Variants in BRD4 observed in about 807,000 individuals in gnomAD.
BRD4 encodes bromodomain containing 4.
Under a neutral mutation model 142.1 loss-of-function variants are expected in BRD4, and 16 were observed. The observed-to-expected ratio is 0.11, with a 90% CI of 0.08 to 0.17. The LOEUF (loss-of-function observed/expected upper bound fraction) is 0.17, where lower values mean the gene tolerates loss of function less well. Ranked by LOEUF, BRD4 falls within the 10% of genes least tolerant of loss-of-function variation. The probability of loss-of-function intolerance (pLI) is 1.00; values close to 1 mark genes in which losing one functional copy is unlikely to be tolerated. For missense variants in BRD4, 1,424 were observed against 1,810.9 expected (o/e 0.79, Z 3.88); for synonymous variants, 833 against 707.5 (o/e 1.18, Z -2.82).
chr19:15,261,272 G>A (rs796838320), intron 7 of BRD4, among the ~76,000 whole-genome samples: 5 of 152,102 alleles, frequency 3.3e-5, no homozygotes, highest in African/African-American at 1.2e-4. Context: ...AGATCATGAG[G>A]TCAGAAGTTC....
intron 1 of BRD4, among the ~76,000 whole-genome samples, chr19:15,299,177 G>T (rs988563439): frequency 1.3e-5 from 2 of 152,164 alleles, no homozygotes; most frequent in African/African-American, 2.4e-5. Flanking sequence ...GTCTATTCCT[G>T]ATCCACGTGT....
chr19:15,316,211 G>C (rs984076583), intron 1 of BRD4, among the ~76,000 whole-genome samples: 1 of 142,660 alleles, frequency 7.0e-6, no homozygotes, highest in Non-Finnish European at 1.5e-5. Flanking sequence ...TCCTGAAAGA[G>C]TATCCAGTTC....
At chr19:15,287,777 C>CTTTT (rs57365607) in intron 1 of BRD4, among the ~76,000 whole-genome samples, 1 of 145,826 alleles carries the variant, frequency 6.9e-6, no homozygotes, top group Middle Eastern at 3.2e-3. Flanking sequence ...CTCTGAATTT[C>CTTTT]TTTTTTTTTT....
At chr19:15,264,355 A>G in intron 6 of BRD4, 49 bp downstream of exon 6, 1 of 1,548,300 alleles carries the variant, frequency 6.5e-7, no homozygotes, top group Admixed American at 1.8e-5. Context: ...TCTGATGTGG[A>G]GGGACAGCCT....
At chr19:15,304,453 T>A (rs1200671691) in intron 1 of BRD4, among the ~76,000 whole-genome samples, 1 of 152,148 alleles carries the variant, frequency 6.6e-6, no homozygotes, top group Non-Finnish European at 1.5e-5. Flanking sequence ...AATAAATGCA[T>A]CAGATATCAC....
chr19:15,306,816 A>G (rs1478122716), intron 1 of BRD4, among the ~76,000 whole-genome samples: 8 of 152,272 alleles, frequency 5.3e-5, no homozygotes, highest in Middle Eastern at 3.4e-3. Context: ...CAAAACTATG[A>G]TAATGACACC....
intron 1 of BRD4, among the ~76,000 whole-genome samples, chr19:15,285,833 A>G (rs2047735838): frequency 6.6e-6 from 1 of 152,194 alleles, no homozygotes; most frequent in African/African-American, 2.4e-5. Context: ...TTAAATGGCC[A>G]GGGGTGGGTG....
At chr19:15,282,230 CAA>C (rs148256268) in intron 1 of BRD4, among the ~76,000 whole-genome samples, 2,214 of 152,154 alleles carry the variant, frequency 0.015, 42 homozygotes, top group African/African-American at 0.051. Flanking sequence ...CACTGTGTGC[CAA>C]AAAAACTGAC....
intron 1 of BRD4, among the ~76,000 whole-genome samples, chr19:15,294,227 A>C (rs916246860): frequency 1.3e-5 from 2 of 152,266 alleles, no homozygotes; most frequent in Admixed American, 1.3e-4. Context: ...GCCAAGGCGA[A>C]ATGTTCTTGT....
At chr19:15,274,419 A>C (rs1452865271) in intron 1 of BRD4, among the ~76,000 whole-genome samples, 3 of 152,210 alleles carry the variant, frequency 2.0e-5, no homozygotes, top group African/African-American at 7.2e-5. Flanking sequence ...CTGGATCCCA[A>C]GATGGAGGGT....
intron 1 of BRD4, among the ~76,000 whole-genome samples, chr19:15,311,377 A>T (rs1428271187): frequency 3.9e-5 from 6 of 152,198 alleles, no homozygotes; most frequent in Admixed American, 3.9e-4. Flanking sequence ...AACAGCCAAG[A>T]GGTGGAAGCA....
At position 15,239,622 on chromosome 19, in the gene BRD4, G is replaced by A. The variant is rs1302705362; in HGVS notation, c.3445+37C>T. 2.6e-6 allele frequency: 4 copies of A among 1,558,304 alleles called. No homozygotes were observed. The Admixed American group carries it at 7.9e-5, about 31-fold the overall frequency. On this transcript the variant is annotated intron_variant, in intron 16 of 19. Transcript: ENST00000679869. This position sits in a 1 kb window ranked among gnomAD's most constrained non-coding sequence, Gnocchi z 7.4. The stretch of plus-strand genomic sequence containing the variant: ...CTTATGTCCAACACGGGCCTCGGGG[G>A]GCCTGAGCCCTGGCTGTGGGCAGGG...
chr19:15,315,879 G>A (rs1475970942), intron 1 of BRD4, among the ~76,000 whole-genome samples: 2 of 151,572 alleles, frequency 1.3e-5, no homozygotes, highest in Non-Finnish European at 2.9e-5. Flanking sequence ...GAAGCGGCCG[G>A]GCGCCATGGC....
intron 1 of BRD4, among the ~76,000 whole-genome samples, chr19:15,309,473 G>A (rs1268172104): frequency 6.6e-6 from 1 of 152,106 alleles, no homozygotes; most frequent in Non-Finnish European, 1.5e-5. Flanking sequence ...GTCCAGCAAT[G>A]TAAAATGGGG....
Position 15,264,731 on chromosome 19 carries a change from G to A in BRD4, c.885C>T (p.Thr295=). The change falls in exon 6 of 20, where the codon ACC becomes ACT. Residue 295 remains threonine (T), a synonymous_variant. Transcript: ENST00000679869. The part of the protein sequence containing the change: ...KKGVKRKADT[T]TPTTIDPIHE... The stretch of plus-strand genomic sequence containing the variant: ...GAATGGGGTCAATGGTGGTGGGGGT[G>A]GTGGTGTCTGCTTTCCTCTTCACTC... 6.2e-7 allele frequency: 1 copy of A among 1,611,196 alleles called. No individual in the cohort carries two copies. Among genetic ancestry groups the A allele is most frequent in the South Asian group, 1.1e-5 (1 of 90,928 alleles).
Position 15,244,607 on chromosome 19 carries a change from AC to A in BRD4, c.2212-8del. Reference sequence around the variant, plus strand: ...GATGGTGGTGATGATGGTGCTGCAGACAGAGAGACAGACAGACAGACAGGCT... The same window carrying A: ...GATGGTGGTGATGATGGTGCTGCAGAAGAGAGACAGACAGACAGACAGGCT... On this transcript the variant is annotated splice_polypyrimidine_tract_variant and splice_region_variant and intron_variant, in intron 12 of 19. Transcript: ENST00000679869. The A allele has an allele frequency of 1.2e-6, 2 of 1,612,834 alleles. No homozygotes were observed. Among genetic ancestry groups the A allele is most frequent in the Non-Finnish European group, 1.7e-6 (2 of 1,179,806 alleles).
rs201700069 is a variant in BRD4, at chr19:15,265,412, G to A, written c.791C>T (p.Ala264Val). The A allele has an allele frequency of 7.9e-5, 123 of 1,547,926 alleles. No homozygotes were observed. Among genetic ancestry groups the A allele is most frequent in the Admixed American group, 3.8e-5 (2 of 52,782 alleles). The change falls in exon 5 of 20, where the codon GCT becomes GTT. Residue 264 changes from alanine (A) to valine (V), a missense_variant. Ala to Val is a moderately conservative substitution (Grantham distance 64). Around this residue, in one of 16 missense-constraint regions of BRD4, gnomAD observed 140 missense variants for 131.7 expected, o/e 1.06. Transcript: ENST00000679869. ...TGGGTGGCTCTGTACGGGCTGGGGA[G>A]CTGGAGCGGGTGGGGGTTGTGGCTG... ...PPQPQPPPAPAPQPVQSHPPI... is the reference protein window; with the variant it reads ...PPQPQPPPAPVPQPVQSHPPI...
At chr19:15,262,003 G>A (rs1440044616) in intron 7 of BRD4, among the ~76,000 whole-genome samples, 2 of 152,200 alleles carry the variant, frequency 1.3e-5, no homozygotes, top group South Asian at 2.1e-4. Flanking sequence ...ACTTCACAAG[G>A]GAAGTGTTTA....
At chr19:15,313,749 C>T (rs541383296) in intron 1 of BRD4, among the ~76,000 whole-genome samples, 2 of 152,288 alleles carry the variant, frequency 1.3e-5, no homozygotes, top group Admixed American at 6.5e-5. Context: ...AATCTGTAAT[C>T]ATGGAGTAAA....
Sources: gnomAD v4.1 joint callset for allele counts (sites outside exome capture counted in the v4.1 genomes callset) on GRCh38, gnomAD v4.1.1 for gene constraint, gnomAD v4.1.1 regional missense constraint, Gnocchi (gnomAD v3.1) non-coding constraint, MANE v1.5 for transcripts, NCBI Gene and HGNC (gene_info 2026-07-23, HGNC 2026-07-21) for gene names.